The following LNX1 variants were observed in gnomAD, a reference collection of about 807,000 sequenced individuals.
The protein encoded by LNX1 is ligand of numb-protein X 1.
Under a neutral mutation model 68.4 loss-of-function variants are expected in LNX1, and 54 were observed. The ratio of observed to expected loss-of-function variants is 0.79; its 90% CI spans 0.63 to 0.99. The LOEUF (loss-of-function observed/expected upper bound fraction) is 0.99. Among genes scored for constraint, LNX1 ranks in the 50% least tolerant of loss-of-function variants. The pLI, the probability that LNX1 is intolerant of heterozygous loss-of-function variation, is 0.00. For missense variants in LNX1, 906 were observed against 926.4 expected (o/e 0.98, Z 0.29); for synonymous variants, 336 against 350.0 (o/e 0.96, Z 0.45).
At chr4:53,461,364 A>G in intron 10 of LNX1, 71 bp downstream of exon 10, 1 of 1,261,124 alleles carries the variant, frequency 7.9e-7, no homozygotes, top group South Asian at 1.4e-5. Flanking sequence ...CCTTATCTCA[A>G]ATGGGGCCAA....
At chr4:53,570,238 A>C (rs1430531626) in intron 2 of LNX1, among the ~76,000 whole-genome samples, 1 of 147,880 alleles carries the variant, frequency 6.8e-6, no homozygotes, top group Non-Finnish European at 1.5e-5. Flanking sequence ...GGCATTATTC[A>C]CAATAGCAAA....
At chr4:53,531,329 G>C (rs1233816388) in intron 2 of LNX1, among the ~76,000 whole-genome samples, 1 of 152,166 alleles carries the variant, frequency 6.6e-6, no homozygotes, top group Admixed American at 6.5e-5. Context: ...TCCTGCACCA[G>C]CTCACTTCAT....
At chr4:53,626,981 A>G (rs768423371) in intron 1 of LNX1, among the ~76,000 whole-genome samples, 3 of 152,222 alleles carry the variant, frequency 2.0e-5, no homozygotes, top group Non-Finnish European at 2.9e-5. Context: ...AAAATGTATT[A>G]TAAAGATTGG....
chr4:53,514,028 A>G (rs1726556820), intron 2 of LNX1, among the ~76,000 whole-genome samples: 1 of 152,122 alleles, frequency 6.6e-6, no homozygotes, highest in East Asian at 1.9e-4. Context: ...CTGCTGCCTC[A>G]GATATGCCTT....
At chr4:53,463,516 C>G (rs1487278364) in intron 9 of LNX1, among the ~76,000 whole-genome samples, 2 of 151,928 alleles carry the variant, frequency 1.3e-5, no homozygotes, top group African/African-American at 4.8e-5. Flanking sequence ...TATTTCACTC[C>G]CCACTGGGAA....
intron 3 of LNX1, among the ~76,000 whole-genome samples, 184 bp from the exon 4 acceptor site, chr4:53,507,653 A>C (rs1167940200): frequency 6.6e-6 from 1 of 152,198 alleles, no homozygotes; most frequent in Admixed American, 6.5e-5. Context: ...ACGTGCTTAA[A>C]ATCCTGCTTT....
intron 1 of LNX1, among the ~76,000 whole-genome samples, chr4:53,650,230 C>T (rs554309537): frequency 3.1e-4 from 47 of 152,280 alleles, no homozygotes; most frequent in African/African-American, 1.1e-3. Context: ...TGTCACAGTC[C>T]TTAAATACAT....
chr4:53,556,697 T>C (rs961199205), intron 2 of LNX1, among the ~76,000 whole-genome samples: 25 of 152,238 alleles, frequency 1.6e-4, no homozygotes, highest in African/African-American at 5.8e-4. Context: ...TCCAATAAGA[T>C]GGGACCAGAT....
At chr4:53,530,154 T>C (rs1277419009) in intron 2 of LNX1, among the ~76,000 whole-genome samples, 1 of 152,246 alleles carries the variant, frequency 6.6e-6, no homozygotes, top group African/African-American at 2.4e-5. Flanking sequence ...ATAGTTGTGT[T>C]AGAGCAATTT....
chr4:53,610,748 C>T (rs1184864091), intron 2 of LNX1, among the ~76,000 whole-genome samples: 1 of 145,228 alleles, frequency 6.9e-6, no homozygotes, highest in Non-Finnish European at 1.5e-5. Flanking sequence ...TAAACCAAAT[C>T]TTCATTCTAA....
At position 53,478,633 on chromosome 4, in the gene LNX1, T is replaced by A; in HGVS notation, c.1595A>T (p.Asp532Val). 2 of 1,614,120 alleles carry A rather than the reference T, an allele frequency of 1.2e-6. No homozygotes were observed. The highest frequency in any genetic ancestry group is 1.7e-6 in the Non-Finnish European group (2 of 1,180,002). Residue 532 changes from aspartate (D) to valine (V), a missense_variant, in exon 8 of 11, where the codon GAT becomes GTT. Asp to Val is a radical substitution (Grantham distance 152). Coordinates refer to ENST00000263925, the MANE Select transcript of LNX1 (RefSeq NM_001126328.3). Reference sequence around the variant, plus strand: ...AACACTGATGACATAGATAGGCAAATCCCATTCTCTATGTGATGCTCCCCC... The same window carrying A: ...AACACTGATGACATAGATAGGCAAAACCCATTCTCTATGTGATGCTCCCCC... ...VAGGASHREW[D>V]LPIYVISVEP...
chr4:53,637,846 G>A (rs1395313198), intron 1 of LNX1, among the ~76,000 whole-genome samples: 4 of 152,134 alleles, frequency 2.6e-5, no homozygotes, highest in African/African-American at 4.8e-5. Context: ...GGCTGCTGAC[G>A]GAGATTAGAC....
rs138192103 is a variant in LNX1, at chr4:53,624,096, G to A, written c.-215+28072C>T. Among the ~76,000 whole-genome samples the A allele has an allele frequency of 5.0e-3, 765 of 152,112 alleles. 2 individuals carry two copies. Among genetic ancestry groups the A allele is most frequent in the African/African-American group, 8.5e-3 (354 of 41,472 alleles). ...TGACTCCTTTTCTTGAGCTCTTTCC[G>A]TCTGTCCTCCTTACTTGTTTCCTCT... is the stretch of plus-strand genomic sequence containing the variant. On this transcript the variant is annotated intron_variant, in intron 1 of 2. Transcript: ENST00000507168.
chr4:53,507,486 G>A lies in LNX1; in HGVS notation c.623-17C>T, dbSNP rs377050263. The A allele has an allele frequency of 1.4e-4, 218 of 1,611,674 alleles. No homozygotes were observed. Among genetic ancestry groups the A allele is most frequent in the Non-Finnish European group, 1.8e-4 (213 of 1,177,946 alleles). On this transcript the variant is annotated splice_polypyrimidine_tract_variant and intron_variant, in intron 3 of 10. Coordinates refer to ENST00000263925, the MANE Select transcript of LNX1 (RefSeq NM_001126328.3). ...AGGGCCGTGCTGAGGAATAGCGACAGGAGGAACAGTAGTTATGATTTAATA... is the reference window on the plus strand; with the variant it reads ...AGGGCCGTGCTGAGGAATAGCGACAAGAGGAACAGTAGTTATGATTTAATA...
At chr4:53,472,706 A>AAAAAAAAAAAAAAT (rs1723308189) in intron 9 of LNX1, among the ~76,000 whole-genome samples, 1 of 149,448 alleles carries the variant, frequency 6.7e-6, no homozygotes, top group Non-Finnish European at 1.5e-5. Flanking sequence ...AAAACAAAAA[A>AAAAAAAAAAAAAAT]CAATGGGGAA....
chr4:53,586,138 G>GA (rs372073514), intron 1 of LNX1, among the ~76,000 whole-genome samples: 33 of 146,776 alleles, frequency 2.2e-4, no homozygotes, highest in African/African-American at 4.5e-4. Context: ...GGCCTCAAGG[G>GA]AAAAAAAAAA....
At chr4:53,563,934 T>C (rs1350405962) in intron 2 of LNX1, among the ~76,000 whole-genome samples, 3 of 152,180 alleles carry the variant, frequency 2.0e-5, no homozygotes, top group Non-Finnish European at 4.4e-5. Context: ...TACAACATAT[T>C]TGTGGAAATG....
At chr4:53,626,257 ATCACAAATTGG>A (rs1162411319) in intron 1 of LNX1, among the ~76,000 whole-genome samples, 1 of 152,194 alleles carries the variant, frequency 6.6e-6, no homozygotes, top group Non-Finnish European at 1.5e-5. Context: ...ATAGAAAAAG[ATCACAAATTGG>A]TCCAGAGTTT....
upstream of LNX1, chr4:53,591,519 G>A: frequency 4.1e-6 from 4 of 985,578 alleles, no homozygotes; most frequent in Non-Finnish European, 4.8e-6. Context: ...CAGGTGCCTG[G>A]AGGAAGGAGG....
Sources: gnomAD v4.1 joint callset for allele counts (sites outside exome capture counted in the v4.1 genomes callset) on GRCh38, gnomAD v4.1.1 for gene constraint, MANE v1.5 for transcripts, NCBI Gene and HGNC (gene_info 2026-07-23, HGNC 2026-07-21) for gene names.